Variants in GALNT13 observed in about 807,000 individuals in gnomAD.
GALNT13 encodes the protein polypeptide N-acetylgalactosaminyltransferase 13.
In GALNT13, 28 loss-of-function variants were observed where a neutral mutation model predicts 64.2. That is an observed-to-expected ratio of 0.44 (90% CI 0.32 to 0.60). The LOEUF (loss-of-function observed/expected upper bound fraction) is 0.60. Ranked by LOEUF, GALNT13 falls within the 20% of genes least tolerant of loss-of-function variation. The probability of loss-of-function intolerance (pLI) is 0.05; values close to 1 mark genes in which losing one functional copy is unlikely to be tolerated. For missense variants in GALNT13, 577 were observed against 669.8 expected (o/e 0.86, Z 1.53); for synonymous variants, 214 against 224.6 (o/e 0.95, Z 0.42).
chr2:153,980,319 A>G (rs774551998), intron 3 of GALNT13, among the ~76,000 whole-genome samples: 5 of 152,166 alleles, frequency 3.3e-5, no homozygotes, highest in Non-Finnish European at 7.3e-5. Context: ...AAGGATTACT[A>G]ATTGCTATGT....
the GALNT13 span, among the ~76,000 whole-genome samples, chr2:153,163,784 C>T: frequency 1.3e-5 from 2 of 152,124 alleles, no homozygotes; most frequent in East Asian, 3.9e-4. Context: ...CTTTGGGAGG[C>T]CAAGGCGGGC....
chr2:153,587,466 T>C, the GALNT13 span, among the ~76,000 whole-genome samples: 5 of 152,118 alleles, frequency 3.3e-5, no homozygotes, highest in African/African-American at 1.2e-4. Flanking sequence ...CTCACAATCA[T>C]GGCAGAAGGC....
At chr2:153,927,994 A>G (rs1690266325) in intron 2 of GALNT13, among the ~76,000 whole-genome samples, 1 of 152,106 alleles carries the variant, frequency 6.6e-6, no homozygotes, top group Non-Finnish European at 1.5e-5. Flanking sequence ...GTGCAAGTTT[A>G]GTATACCTCT....
chr2:153,402,441 G>A, the GALNT13 span, among the ~76,000 whole-genome samples: 441 of 151,448 alleles, frequency 2.9e-3, 3 homozygotes, highest in African/African-American at 7.7e-3. Context: ...TCTTTGTGGC[G>A]TTCTCTGTAT....
intron 11 of GALNT13, among the ~76,000 whole-genome samples, chr2:154,417,979 T>C (rs1343996834): frequency 6.6e-6 from 1 of 152,188 alleles, no homozygotes; most frequent in Non-Finnish European, 1.5e-5. Flanking sequence ...TCTCAATATT[T>C]TATTCTTTAA....
intron 9 of GALNT13, among the ~76,000 whole-genome samples, chr2:154,384,631 A>C (rs1698421536): frequency 6.6e-6 from 1 of 151,882 alleles, no homozygotes; most frequent in Non-Finnish European, 1.5e-5. Context: ...ATACATAAAA[A>C]TATAAGCAAA....
chr2:154,198,267 A>G (rs1367456648), intron 4 of GALNT13, among the ~76,000 whole-genome samples: 3 of 152,078 alleles, frequency 2.0e-5, no homozygotes, highest in African/African-American at 4.8e-5. Context: ...GGTGAGAGAG[A>G]AGGAATGCCA....
chr2:153,595,521 TC>T, the GALNT13 span, among the ~76,000 whole-genome samples: 1 of 151,992 alleles, frequency 6.6e-6, no homozygotes, highest in South Asian at 2.1e-4. Context: ...TTATATTGAT[TC>T]CTTATTTCAT....
chr2:154,281,989 C>A (rs751257951), intron 8 of GALNT13, among the ~76,000 whole-genome samples: 10 of 152,084 alleles, frequency 6.6e-5, no homozygotes, highest in Non-Finnish European at 1.2e-4. Context: ...GAATTTGGGG[C>A]TTTCAGGAAC....
the GALNT13 span, among the ~76,000 whole-genome samples, chr2:153,644,202 C>T: frequency 1.3e-5 from 2 of 151,860 alleles, no homozygotes; most frequent in Non-Finnish European, 2.9e-5. Context: ...GCTATAAGAA[C>T]AATATTTAAA....
chr2:154,183,454 G>A (rs1014310162), intron 4 of GALNT13, among the ~76,000 whole-genome samples: 2 of 152,144 alleles, frequency 1.3e-5, no homozygotes, highest in Admixed American at 6.5e-5. Context: ...GCTCACGCCT[G>A]TAATCCCAGC....
At chr2:153,543,120 G>T in the GALNT13 span, among the ~76,000 whole-genome samples, 1 of 152,156 alleles carries the variant, frequency 6.6e-6, no homozygotes, top group Non-Finnish European at 1.5e-5. Context: ...TGTAGATGAG[G>T]TTGCCCAGAA....
chr2:153,512,715 C>A, the GALNT13 span, among the ~76,000 whole-genome samples: 7 of 152,116 alleles, frequency 4.6e-5, no homozygotes, highest in East Asian at 1.2e-3. Context: ...TAAATGTTAG[C>A]CATAATGATG....
intron 2 of GALNT13, among the ~76,000 whole-genome samples, chr2:153,935,513 G>A (rs1690843682): frequency 6.6e-6 from 1 of 152,218 alleles, no homozygotes; most frequent in African/African-American, 2.4e-5. Context: ...CAGATATCAG[G>A]AGAAGCAAGT....
chr2:154,454,028 C>T (rs2105515482), downstream of GALNT13, among the ~76,000 whole-genome samples: 4 of 151,998 alleles, frequency 2.6e-5, no homozygotes, highest in Admixed American at 2.6e-4. Flanking sequence ...TGGTTGTGTC[C>T]AATGGCCACT....
At chr2:153,304,916 A>C in the GALNT13 span, among the ~76,000 whole-genome samples, 1 of 152,164 alleles carries the variant, frequency 6.6e-6, no homozygotes, top group Admixed American at 6.6e-5. Flanking sequence ...GGGATTGTGG[A>C]GAAAGTTGTA....
At chr2:154,234,836 A>T (rs927358928) in intron 4 of GALNT13, among the ~76,000 whole-genome samples, 1 of 152,098 alleles carries the variant, frequency 6.6e-6, no homozygotes, top group Non-Finnish European at 1.5e-5. Flanking sequence ...AGGCAGAGAT[A>T]AATAAGGTGA....
At chr2:154,403,166 A>T (rs1217980375) in intron 10 of GALNT13, among the ~76,000 whole-genome samples, 1 of 152,114 alleles carries the variant, frequency 6.6e-6, no homozygotes, top group African/African-American at 2.4e-5. Context: ...AACCTTTCAG[A>T]TTTTAGGCCA....
At chr2:153,872,429 G>C (rs891150500) in intron 1 of GALNT13, 126 bp downstream of exon 1, 1 of 151,988 alleles carries the variant, frequency 6.6e-6, no homozygotes, top group East Asian at 2.0e-4. Flanking sequence ...GCGCGGAGCC[G>C]AGCGCCCCGG....
Sources: allele counts gnomAD v4.1 joint callset (sites outside exome capture counted in the v4.1 genomes callset), GRCh38; gene constraint gnomAD v4.1.1; transcripts MANE v1.5; gene names NCBI Gene and HGNC (gene_info 2026-07-23, HGNC 2026-07-21).